The following NUFIP1 variants were observed in gnomAD, a reference collection of about 807,000 sequenced individuals.
The protein encoded by NUFIP1 is nuclear FMR1 interacting protein 1, also known as FMR1-interacting protein NUFIP1.
Under a neutral mutation model 56.2 loss-of-function variants are expected in NUFIP1, and 38 were observed. The observed-to-expected ratio is 0.68, with a 90% confidence interval of 0.52 to 0.89. NUFIP1 has a LOEUF of 0.89. Among genes scored for constraint, NUFIP1 ranks in the 40% least tolerant of loss-of-function variants. NUFIP1 has a pLI of 0.00. For missense variants in NUFIP1, 567 were observed against 605.8 expected (o/e 0.94, Z 0.67); for synonymous variants, 215 against 212.4 (o/e 1.01, Z -0.10).
chr13:44,955,738 T>C lies in NUFIP1; in HGVS notation c.1021+3643A>G, dbSNP rs938587001. 2.0e-4 allele frequency among the ~76,000 whole-genome samples: 31 copies of C among 151,684 alleles called. 1 individual carries two copies. Among genetic ancestry groups the C allele is most frequent in the African/African-American group, 6.5e-4 (27 of 41,352 alleles). ...GAGTGGAGAATATTTACGGCAGGGGTGTCCAATCTTTTGGCCTCCCTGGGC... is the reference window on the plus strand; with the variant it reads ...GAGTGGAGAATATTTACGGCAGGGGCGTCCAATCTTTTGGCCTCCCTGGGC... On this transcript the variant is annotated intron_variant, in intron 7 of 9. Transcript: ENST00000379161.
chr13:44,949,247 G>A (rs1245132695), intron 8 of NUFIP1, among the ~76,000 whole-genome samples: 2 of 135,004 alleles, frequency 1.5e-5, no homozygotes, highest in African/African-American at 5.8e-5. Flanking sequence ...TGTCGCCCAG[G>A]CTGGAGTGCA....
At position 44,979,964 on chromosome 13, in the gene NUFIP1, T is replaced by A. The variant is rs753839001; in HGVS notation, c.595-12A>T. ...TCTAATTCAGGGCACTATGAGTTTT[T>A]AAAAGAAAAAAAAAACTATTTAACA... is the stretch of plus-strand genomic sequence containing the variant. On this transcript the variant is annotated splice_polypyrimidine_tract_variant and intron_variant, in intron 3 of 9. Coordinates refer to ENST00000379161, the MANE Select transcript of NUFIP1 (RefSeq NM_012345.3). The A allele has an allele frequency of 1.9e-6, 3 of 1,583,028 alleles. No homozygotes were observed. In the South Asian group the frequency reaches 3.5e-5, roughly 19 times the overall value.
At chr13:44,975,408 C>G (rs1871937292) in intron 5 of NUFIP1, among the ~76,000 whole-genome samples, 1 of 152,120 alleles carries the variant, frequency 6.6e-6, no homozygotes, top group African/African-American at 2.4e-5. Flanking sequence ...GTAATAAGAA[C>G]CACCTTTCAT....
chr13:44,949,023 C>T lies in NUFIP1; in HGVS notation c.1138+699G>A, dbSNP rs1319523413. Among the ~76,000 whole-genome samples, 9 of 152,120 alleles carry T rather than the reference C, an allele frequency of 5.9e-5. No individual in the cohort carries two copies. In the East Asian group the frequency reaches 1.7e-3, roughly 29 times the overall value. ...TATGCATTAAAAAAATTGTATCACA[C>T]TCTTTGTCATAAAAGATCTCTCTCC... On this transcript the variant is annotated intron_variant, in intron 8 of 9. Coordinates refer to ENST00000379161, the MANE Select transcript of NUFIP1 (RefSeq NM_012345.3).
At position 44,983,618 on chromosome 13, in the gene NUFIP1, GA is replaced by G. The variant is rs1872275741; in HGVS notation, c.413-1465del. ...TTGAGATCAGCCTGAGCAGCCTGGC[GA>G]AACTCTGTCTCTACAAAAAATACAA... On this transcript the variant is annotated intron_variant, in intron 1 of 9. Transcript: ENST00000379161. Among the ~76,000 whole-genome samples the G allele has an allele frequency of 2.0e-5, 3 of 152,110 alleles. No homozygotes were observed. The South Asian group carries it at 6.2e-4, about 31-fold the overall frequency.
chr13:44,945,617 C>A (rs775247130), intron 8 of NUFIP1, among the ~76,000 whole-genome samples: 31 of 151,918 alleles, frequency 2.0e-4, no homozygotes, highest in Non-Finnish European at 1.2e-4. Context: ...GGGTAATAGA[C>A]CATGACCAAG....
chr13:44,975,898 C>T (rs930140388), intron 5 of NUFIP1, among the ~76,000 whole-genome samples: 6 of 152,172 alleles, frequency 3.9e-5, no homozygotes, highest in Admixed American at 2.6e-4. Flanking sequence ...ATAGAAGAAC[C>T]GAAGTTGGCA....
rs770333243 is a variant in NUFIP1 at position 44,989,427 on chromosome 13, G to A, written c.10C>T (p.Pro4Ser). ...ATAGGAGTCTCGAAATCACTAGTCG[G>A]CTCAGCCATACCACTGGCGGGTCCG... is the stretch of plus-strand genomic sequence containing the variant. Reference protein sequence around the residue: MAEPTSDFETPIGW... With the variant: MAESTSDFETPIGW... Residue 4 changes from proline to serine, a missense_variant, in exon 1 of 10, where the codon CCG becomes TCG. Coordinates refer to ENST00000379161, the MANE Select transcript of NUFIP1 (RefSeq NM_012345.3). 3 of 1,613,188 alleles carry A rather than the reference G, an allele frequency of 1.9e-6. No individual in the cohort carries two copies. Among genetic ancestry groups the A allele is most frequent in the African/African-American group, 1.3e-5 (1 of 74,908 alleles).
intron 8 of NUFIP1, among the ~76,000 whole-genome samples, chr13:44,946,441 T>C (rs972158040): frequency 5.3e-5 from 8 of 152,202 alleles, no homozygotes; most frequent in African/African-American, 1.9e-4. Flanking sequence ...GTTGTAAAAC[T>C]GTGCTTAAAT....
intron 6 of NUFIP1, among the ~76,000 whole-genome samples, chr13:44,961,315 G>C (rs1039231223): frequency 1.3e-5 from 2 of 152,032 alleles, no homozygotes; most frequent in Non-Finnish European, 2.9e-5. Flanking sequence ...TCTCAACTTT[G>C]TCAGTTATGG....
chr13:44,944,451 G>A (rs12586065), intron 8 of NUFIP1, among the ~76,000 whole-genome samples: 17,638 of 152,022 alleles, frequency 0.12, 1,900 homozygotes, highest in African/African-American at 0.27. Flanking sequence ...GCATTGCAGC[G>A]AAAACTGATA....
intron 1 of NUFIP1, among the ~76,000 whole-genome samples, chr13:44,983,197 T>C (rs1219083656): frequency 1.3e-5 from 2 of 151,810 alleles, no homozygotes; most frequent in Non-Finnish European, 1.5e-5. Context: ...GCGGGGGAGA[T>C]GCAGTTTCGC....
At chr13:44,943,698 C>G (rs2137889972) in intron 8 of NUFIP1, 24 bp from the exon 9 acceptor site, 1 of 1,557,140 alleles carries the variant, frequency 6.4e-7, no homozygotes, top group South Asian at 1.2e-5. Flanking sequence ...AAAACAAACA[C>G]AAAAATAAAC....
intron 7 of NUFIP1, among the ~76,000 whole-genome samples, chr13:44,953,181 T>G (rs992435912): frequency 6.6e-6 from 1 of 152,126 alleles, no homozygotes. Context: ...TAGCTCACAC[T>G]CCAGGGAAGA....
chr13:44,943,818 C>T, intron 8 of NUFIP1, 144 bp from the exon 9 acceptor site: 2 of 677,640 alleles, frequency 3.0e-6, no homozygotes, highest in Non-Finnish European at 4.8e-6. Context: ...AAGATTTTTG[C>T]AAGGCATTTA....
At position 44,941,224 on chromosome 13, in the gene NUFIP1, C is replaced by T. The variant is rs139762334; in HGVS notation, c.1470G>A (p.Ala490=). ...CAGATGCCTATACATCTTTACTTTT[C>T]GCAGAATTAGTATCCAGTCCAAAAA... ...KDFFGLDTNS[A]KSKDV is the part of the protein sequence containing the mutation. The change falls in exon 10 of 10, where the codon GCG becomes GCA. Residue 490 remains alanine, a synonymous_variant. Coordinates refer to ENST00000379161, the MANE Select transcript of NUFIP1 (RefSeq NM_012345.3). 1,411 of 1,590,690 alleles carry T rather than the reference C, an allele frequency of 8.9e-4. 14 individuals carry two copies. In the African/African-American group the frequency reaches 0.013, roughly 15 times the overall value.
At chr13:44,977,441 A>G (rs966955289) in intron 5 of NUFIP1, among the ~76,000 whole-genome samples, 18 of 152,028 alleles carry the variant, frequency 1.2e-4, no homozygotes, top group Non-Finnish European at 2.5e-4. Flanking sequence ...GTATTTTTTC[A>G]TTTTTTTCTT....
chr13:44,985,176 T>A (rs1419228491), intron 1 of NUFIP1, among the ~76,000 whole-genome samples: 1 of 152,244 alleles, frequency 6.6e-6, no homozygotes, highest in African/African-American at 2.4e-5. Flanking sequence ...AAATCTCCCC[T>A]GAAAGTAGAC....
At position 44,949,642 on chromosome 13, in the gene NUFIP1, G is replaced by A. The variant is rs952092041; in HGVS notation, c.1138+80C>T. The A allele has an allele frequency of 5.1e-6, 4 of 783,544 alleles. No homozygotes were observed. The African/African-American group carries it at 5.3e-5, about 10-fold the overall frequency. 48.5% of individuals were successfully genotyped at this position (783,544 alleles called of 1,614,324 possible). A position where few individuals can be genotyped will look rare whatever the true frequency, so the allele number is the denominator to read the frequency against. On this transcript the variant is annotated intron_variant, in intron 8 of 9. Transcript: ENST00000379161. The stretch of plus-strand genomic sequence containing the variant: ...AAACCAAATAAAGGATGCACATCCT[G>A]GATGTTATTAATGCGCAGCATGCAC...
Sources: allele counts gnomAD v4.1 joint callset (sites outside exome capture counted in the v4.1 genomes callset), GRCh38; gene constraint gnomAD v4.1.1; transcripts MANE v1.5; gene names NCBI Gene and HGNC (gene_info 2026-07-23, HGNC 2026-07-21).